LPIN2: variants seen among roughly 807,000 people sequenced by gnomAD.
The protein encoded by LPIN2 is lipin 2, also known as phosphatidate phosphatase LPIN2.
LPIN2 carries 55 observed loss-of-function variants against 111.4 expected under a neutral mutation model. That is an observed-to-expected ratio of 0.49 (90% CI 0.40 to 0.62). LPIN2 has a LOEUF of 0.62. Among genes scored for constraint, LPIN2 ranks in the 20% least tolerant of loss-of-function variants. The pLI is 0.00. For synonymous variants in LPIN2, 425 were observed against 414.0 expected, an observed-to-expected ratio of 1.03 and a Z score of -0.32; for missense variants, 992 against 1,112.1, an observed-to-expected ratio of 0.89 and a Z score of 1.54.
chr18:2,946,394 G>A, intron 4 of LPIN2: 1 of 1,483,344 alleles, frequency 6.7e-7, no homozygotes, highest in Non-Finnish European at 9.4e-7. Context: ...AGAAAAATCA[G>A]TTGTTCTTCT....
chr18:2,944,426 A>C (rs1385711452), intron 4 of LPIN2, among the ~76,000 whole-genome samples: 2 of 127,818 alleles, frequency 1.6e-5, no homozygotes, highest in Non-Finnish European at 3.1e-5. Context: ...ATCTCAGCTC[A>C]CTGCCAGCTC....
At chr18:2,929,249 C>A in intron 9 of LPIN2, 91 bp from the exon 10 acceptor site, 1 of 864,292 alleles carries the variant, frequency 1.2e-6, no homozygotes, top group Non-Finnish European at 1.9e-6. Context: ...AAATTGAAGG[C>A]TAAAATCATC....
chr18:2,924,522 G>C lies in LPIN2; in HGVS notation c.1963C>G (p.Pro655Ala). The C allele has an allele frequency of 6.2e-7, 1 of 1,614,178 alleles. No individual in the cohort carries two copies. ...GTAATACTAAACACAACATCATTTG[G>C]GCCATCGTGGAGCTTCAGTTTTGCC... ...QIAKLKLHDG[P>A]NDVVFSITTQ... Residue 655 changes from proline (P) to alanine (A), a missense_variant, in exon 15 of 20, where the codon CCA becomes GCA. By Grantham distance (27) the Pro-to-Ala change is conservative. Transcript: ENST00000677752.
intron 4 of LPIN2, among the ~76,000 whole-genome samples, chr18:2,944,333 C>CTTTTTTTTTT (rs768515839): frequency 1.9e-5 from 1 of 51,350 alleles, no homozygotes; most frequent in Non-Finnish European, 3.8e-5. Flanking sequence ...TTTCCACAAA[C>CTTTTTTTTTT]TTTTTTTTTT....
intron 12 of LPIN2, 73 bp downstream of exon 12, chr18:2,927,649 A>C: frequency 6.5e-7 from 1 of 1,546,594 alleles, no homozygotes; most frequent in Non-Finnish European, 8.9e-7. Context: ...TGTGCCTGAC[A>C]AAAAGGTTTT....
chr18:3,004,517 C>T (rs1198362211), intron 1 of LPIN2, among the ~76,000 whole-genome samples: 1 of 152,166 alleles, frequency 6.6e-6, no homozygotes, highest in Non-Finnish European at 1.5e-5. Context: ...CTCTATTCAG[C>T]TCTGAAACTG....
chr18:2,966,052 T>C (rs2143250645), intron 1 of LPIN2, among the ~76,000 whole-genome samples: 1 of 152,210 alleles, frequency 6.6e-6, no homozygotes, highest in South Asian at 2.1e-4. Flanking sequence ...GCTCCCACCT[T>C]GGCCTCCGGA....
rs2077111745 is a variant in LPIN2, at chr18:2,925,165, C to T, written c.1938+59G>A. On this transcript the variant is annotated intron_variant, in intron 14 of 19. Coordinates refer to ENST00000677752, the MANE Select transcript of LPIN2 (RefSeq NM_001375808.2). This position sits in a 1 kb window ranked among gnomAD's most constrained non-coding sequence, Gnocchi z 4.1. ...CGTGTGGACAGAAGAGGATGTGCAT[C>T]AAATTAAACCATTACTAAAATAAGT... 5.0e-6 allele frequency: 8 copies of T among 1,602,086 alleles called. No homozygotes were observed. The highest frequency in any genetic ancestry group is 6.0e-6 in the Non-Finnish European group (7 of 1,169,696).
Position 3,010,820 on chromosome 18 carries a change from C to A in LPIN2, c.-10+2267G>T, listed in dbSNP as rs150621740. 9.8e-3 allele frequency among the ~76,000 whole-genome samples: 1,496 copies of A among 152,178 alleles called. 21 individuals carry two copies. The highest frequency in any genetic ancestry group is 0.034 in the African/African-American group (1,409 of 41,476). ...ATAAGTACCCAAGGCATAGAAAAAT[C>A]GCTGACACAGAGAACCAAGCCATAA... On this transcript the variant is annotated intron_variant, in intron 1 of 19. Transcript: ENST00000677752.
chr18:2,920,760 A>C lies in LPIN2; in HGVS notation c.2546+18T>G, dbSNP rs1393656705. 2 of 1,596,666 alleles carry C rather than the reference A, an allele frequency of 1.3e-6. No individual in the cohort carries two copies. Among genetic ancestry groups the C allele is most frequent in the Non-Finnish European group, 1.7e-6 (2 of 1,164,030 alleles). On this transcript the variant is annotated intron_variant, in intron 19 of 19. Coordinates refer to ENST00000677752, the MANE Select transcript of LPIN2 (RefSeq NM_001375808.2). ...CCTGGCTGCAGGGCGCCGGGCTGAG[A>C]GCTGAGAATGTACTTACGATGACTT...
In LPIN2 at chr18:2,920,438, C is replaced by T. The variant is rs145858312; in HGVS notation, c.2547-1G>A. ...CACGAGCTCACTCAGCCTGTGATAC[C>T]TAAGAGAAAGGTTGGGGAAGAGGCA... is the stretch of plus-strand genomic sequence containing the variant. On this transcript the variant is annotated splice_acceptor_variant, in intron 19 of 19. Transcript: ENST00000677752. LOFTEE classifies it high-confidence loss of function. The T allele has an allele frequency of 2.5e-6, 4 of 1,613,624 alleles. No homozygotes were observed. The highest frequency in any genetic ancestry group is 1.3e-5 in the African/African-American group (1 of 75,036).
chr18:2,930,059 G>A (rs1246627552), intron 9 of LPIN2, among the ~76,000 whole-genome samples: 1 of 152,158 alleles, frequency 6.6e-6, no homozygotes, highest in Admixed American at 6.5e-5. Context: ...GGCTTCCCAT[G>A]AATTTTTGTA....
intron 1 of LPIN2, among the ~76,000 whole-genome samples, chr18:2,992,854 C>T (rs190395494): frequency 1.3e-4 from 20 of 151,508 alleles, no homozygotes; most frequent in African/African-American, 3.6e-4. Context: ...GGCCTGGTGG[C>T]GGGCGCCTGT....
chr18:2,976,105 T>A (rs188278106), intron 1 of LPIN2, among the ~76,000 whole-genome samples: 1 of 152,302 alleles, frequency 6.6e-6, no homozygotes, highest in East Asian at 1.9e-4. Context: ...ACTTTGCTCA[T>A]CCCCCTTATT....
chr18:2,994,290 A>C (rs1174169318), intron 1 of LPIN2, among the ~76,000 whole-genome samples: 2 of 152,154 alleles, frequency 1.3e-5, no homozygotes. Context: ...TTTTGAAGAC[A>C]ATTTAGCTAA....
rs182222687 is a variant in LPIN2 at position 2,946,647 on chromosome 18, A to T, written c.590+4408T>A. 2.4e-5 allele frequency: 16 copies of T among 657,642 alleles called. No homozygotes were observed. In the East Asian group the frequency reaches 4.3e-4, roughly 18 times the overall value. The allele number at this position is 657,642 out of a possible 1,614,324, so 40.7% of individuals were successfully genotyped here. A position where few individuals can be genotyped will look rare whatever the true frequency, so the allele number is the denominator to read the frequency against. On this transcript the variant is annotated intron_variant, in intron 4 of 19. Transcript: ENST00000677752. ...CTCCATACCTCAGTTTTTTAAAGTG[A>T]GAAAAAAATCAATTGAATGCCAAAA...
chr18:2,922,914 T>C (rs1465370237), intron 16 of LPIN2, among the ~76,000 whole-genome samples: 2 of 152,212 alleles, frequency 1.3e-5, no homozygotes, highest in Non-Finnish European at 2.9e-5. Context: ...AGCAAAATTA[T>C]ACCCAGGTAA....
rs753918449 is a variant in LPIN2, at chr18:2,951,055, C to T, written c.590G>A (p.Arg197Gln). ...SDDDKGAQAA[R>Q]GSSNASLKEE... Reference sequence around the variant, plus strand: ...ACCCTTCCCAGGCTGAGAGTCCTACCGTGCTGCCTGGGCCCCCTTGTCATC... The same window carrying T: ...ACCCTTCCCAGGCTGAGAGTCCTACTGTGCTGCCTGGGCCCCCTTGTCATC... Residue 197 changes from arginine to glutamine, a missense_variant and splice_region_variant, in exon 4 of 20, where the codon CGA becomes CAA. Arg to Gln is a conservative substitution (Grantham distance 43, BLOSUM62 1). Around this residue, in one of 4 missense-constraint regions of LPIN2, gnomAD observed 709 missense variants for 753.2 expected, o/e 0.94. Coordinates refer to ENST00000677752, the MANE Select transcript of LPIN2 (RefSeq NM_001375808.2). 1.9e-6 allele frequency: 3 copies of T among 1,614,058 alleles called. No homozygotes were observed. Among genetic ancestry groups the T allele is most frequent in the Non-Finnish European group, 2.5e-6 (3 of 1,180,024 alleles).
At chr18:2,971,961 C>T (rs748781957) in intron 1 of LPIN2, among the ~76,000 whole-genome samples, 13 of 152,032 alleles carry the variant, frequency 8.6e-5, no homozygotes, top group Middle Eastern at 3.2e-3. Context: ...ACACGAGAAT[C>T]GCTTGAACCC....
Sources: allele counts gnomAD v4.1 joint callset (sites outside exome capture counted in the v4.1 genomes callset), GRCh38; gene constraint gnomAD v4.1.1; regional missense constraint gnomAD v4.1.1; non-coding constraint Gnocchi (gnomAD v3.1); transcripts MANE v1.5; gene names NCBI Gene and HGNC (gene_info 2026-07-23, HGNC 2026-07-21).